The following HGF variants were observed in gnomAD, a reference collection of about 807,000 sequenced individuals.
The protein encoded by HGF is fibroblast-derived tumor cytotoxic factor.
Under a neutral mutation model 111.6 loss-of-function variants are expected in HGF, and 39 were observed. The observed-to-expected ratio is 0.35, with a 90% CI of 0.27 to 0.46. The LOEUF is 0.46. HGF is among the 20% of genes least tolerant of loss of function. The probability of loss-of-function intolerance (pLI) is 1.00; values close to 1 mark genes in which losing one functional copy is unlikely to be tolerated. For missense variants in HGF, 735 were observed against 910.5 expected (o/e 0.81, Z 2.48); for synonymous variants, 285 against 294.8 (o/e 0.97, Z 0.34).
intron 7 of HGF, among the ~76,000 whole-genome samples, chr7:81,736,894 G>GGTGTGTGTGT (rs368271908): frequency 0.31 from 44,270 of 141,764 alleles, 7,112 homozygotes; most frequent in Middle Eastern, 0.44. Flanking sequence ...TGTGTAGAGG[G>GGTGTGTGTGT]GTGTGTGTGT....
chr7:81,750,429 C>T (rs1006868914), intron 5 of HGF, among the ~76,000 whole-genome samples: 3 of 152,050 alleles, frequency 2.0e-5, no homozygotes, highest in Non-Finnish European at 4.4e-5. Flanking sequence ...GCATCATGTG[C>T]CATTAATACC....
intron 7 of HGF, among the ~76,000 whole-genome samples, chr7:81,735,487 CAAAG>C (rs973541074): frequency 4.6e-5 from 7 of 151,818 alleles, no homozygotes; most frequent in African/African-American, 1.5e-4. Context: ...TAGGAAAACT[CAAAG>C]AAACAATCAG....
At chr7:81,741,896 C>G (rs886589881) in intron 7 of HGF, among the ~76,000 whole-genome samples, 6 of 140,862 alleles carry the variant, frequency 4.3e-5, no homozygotes, top group African/African-American at 1.6e-4. Flanking sequence ...TGAGATTGTG[C>G]CATTGCACTC....
chr7:81,711,269 A>G (rs1290022510), intron 12 of HGF, among the ~76,000 whole-genome samples: 1 of 152,220 alleles, frequency 6.6e-6, no homozygotes, highest in Admixed American at 6.5e-5. Context: ...TTTTTGCAAG[A>G]GAATTGAATT....
At chr7:81,718,345 T>C (rs930662844) in intron 10 of HGF, among the ~76,000 whole-genome samples, 1 of 152,188 alleles carries the variant, frequency 6.6e-6, no homozygotes, top group Non-Finnish European at 1.5e-5. Context: ...TGAGATAGTC[T>C]TTAAGGTTAT....
intron 11 of HGF, among the ~76,000 whole-genome samples, chr7:81,716,739 T>G (rs1039250246): frequency 1.3e-5 from 2 of 152,168 alleles, no homozygotes; most frequent in Admixed American, 1.3e-4. Flanking sequence ...CATCTGGGAA[T>G]CAGATAACTG....
At chr7:81,721,762 G>A (rs968948206) in intron 9 of HGF, among the ~76,000 whole-genome samples, 1 of 152,150 alleles carries the variant, frequency 6.6e-6, no homozygotes, top group African/African-American at 2.4e-5. Context: ...TCCATCACTG[G>A]TGATGTGTTT....
In HGF at chr7:81,702,281, C is replaced by G. The variant is rs1789301549; in HGVS notation, c.*300G>C. Reference sequence around the variant, plus strand: ...TTAGACAGATTAATTGATTTTTTTTCCCATGAAATCTTTATCATCCAGCAA... The same window carrying G: ...TTAGACAGATTAATTGATTTTTTTTGCCATGAAATCTTTATCATCCAGCAA... On this transcript the variant is annotated 3_prime_UTR_variant, in exon 18 of 18. Coordinates refer to ENST00000222390, the MANE Select transcript of HGF (RefSeq NM_000601.6). The G allele has an allele frequency of 3.1e-6, 1 of 319,998 alleles. No homozygotes were observed. 19.8% of individuals were successfully genotyped at this position (319,998 alleles called of 1,614,324 possible).
chr7:81,710,149 G>A lies in HGF; in HGVS notation c.1539C>T (p.Tyr513=). 6.4e-7 allele frequency: 1 copy of A among 1,571,276 alleles called. No homozygotes were observed. The highest frequency in any genetic ancestry group is 1.1e-5 in the South Asian group (1 of 90,228). The stretch of plus-strand genomic sequence containing the variant: ...GACTTGCATCTATTAATAATTACCT[G>A]TATCTCAAACTAACCATCCATCCTA... ...TNIGWMVSLR[Y]RNKHICGGSL... The change falls in exon 13 of 18, where the codon TAC becomes TAT. Residue 513 remains tyrosine (Y), a splice_region_variant and synonymous_variant. Transcript: ENST00000222390.
chr7:81,738,756 G>C (rs1421415028), intron 7 of HGF, among the ~76,000 whole-genome samples: 1 of 152,084 alleles, frequency 6.6e-6, no homozygotes, highest in African/African-American at 2.4e-5. Context: ...TTACTGGTTT[G>C]TGTTAAAAAT....
chr7:81,705,266 T>C, intron 17 of HGF, 124 bp downstream of exon 17: 3 of 904,104 alleles, frequency 3.3e-6, no homozygotes, highest in Non-Finnish European at 5.4e-6. Flanking sequence ...ATTTTCCCAA[T>C]TCCTCTTTCC....
chr7:81,763,292 G>T (rs1308609818), intron 1 of HGF, among the ~76,000 whole-genome samples: 1 of 152,050 alleles, frequency 6.6e-6, no homozygotes, highest in Admixed American at 6.6e-5. Context: ...AATGAGATAA[G>T]CCAACACAAA....
At chr7:81,769,806 G>A in intron 1 of HGF, 78 bp downstream of exon 1, 10 of 1,028,354 alleles carry the variant, frequency 9.7e-6, no homozygotes, top group South Asian at 1.4e-5. Flanking sequence ...GTAAAAAGAG[G>A]GTGTTAAAAG....
At chr7:81,706,498 T>C in intron 14 of HGF, 71 bp from the exon 15 acceptor site, 1 of 1,289,068 alleles carries the variant, frequency 7.8e-7, no homozygotes, top group Non-Finnish European at 1.1e-6. Context: ...TTCCTATCTA[T>C]TGTTATTTTA....
Position 81,706,369 on chromosome 7 carries a change from C to T in HGF, c.1675G>A (p.Glu559Lys), listed in dbSNP as rs778704152. The change falls in exon 15 of 18, where the codon GAG becomes AAG. Residue 559 changes from glutamate (E) to lysine (K), a missense_variant. Glu to Lys is a moderately conservative substitution (Grantham distance 56, BLOSUM62 1). This residue lies in a region of HGF where 130 missense variants were observed against 129.9 expected (regional missense o/e 1.00). Coordinates refer to ENST00000222390, the MANE Select transcript of HGF (RefSeq NM_000601.6). The part of the protein sequence containing the change: ...GIHDVHGRGD[E>K]KCKQVLNVSQ... ...ACATTGAGAACCTGTTTGCATTTCTCATCTCCTCTTCCGTGGACATCATGA... is the reference window on the plus strand; with the variant it reads ...ACATTGAGAACCTGTTTGCATTTCTTATCTCCTCTTCCGTGGACATCATGA... The T allele has an allele frequency of 1.4e-5, 23 of 1,611,960 alleles. No individual in the cohort carries two copies. In the South Asian group the frequency reaches 1.9e-4, roughly 13 times the overall value.
Position 81,710,218 on chromosome 7 carries a change from C to G in HGF, c.1470G>C (p.Thr490=). ...LDHPVISCAK[T]KQLRVVNGIP... ...TCCCATTTACAACTCGCAATTGTTT[C>G]GTTTTGGCACAAGATATTACGGGAT... The change falls in exon 13 of 18, where the codon ACG becomes ACC. Residue 490 remains threonine (T), a synonymous_variant. Coordinates refer to ENST00000222390, the MANE Select transcript of HGF (RefSeq NM_000601.6). 6.2e-7 allele frequency: 1 copy of G among 1,613,252 alleles called. No individual in the cohort carries two copies.
At chr7:81,751,827 G>A (rs1562900180) in intron 5 of HGF, 2 of 1,214,458 alleles carry the variant, frequency 1.6e-6, no homozygotes, top group Non-Finnish European at 2.1e-6. Context: ...TTTGAGGTAT[G>A]TGAGCTCAAG....
intron 10 of HGF, among the ~76,000 whole-genome samples, chr7:81,719,692 C>T (rs914495058): frequency 2.6e-5 from 4 of 152,186 alleles, no homozygotes; most frequent in Admixed American, 1.3e-4. Context: ...GAACATATGT[C>T]GCTTACATTT....
intron 3 of HGF, 124 bp downstream of exon 3, chr7:81,758,568 C>G (rs1212482260): frequency 9.0e-6 from 6 of 669,894 alleles, no homozygotes; most frequent in Non-Finnish European, 1.6e-5. Flanking sequence ...GATGAATTGA[C>G]TACATAAAAT....
Sources: gnomAD v4.1 joint callset for allele counts (sites outside exome capture counted in the v4.1 genomes callset) on GRCh38, gnomAD v4.1.1 for gene constraint, gnomAD v4.1.1 regional missense constraint, MANE v1.5 for transcripts, NCBI Gene and HGNC (gene_info 2026-07-23, HGNC 2026-07-21) for gene names.